PRKCE: variants seen among roughly 807,000 people sequenced by gnomAD.
PRKCE encodes the protein protein kinase C epsilon type.
Under a neutral mutation model 85.4 loss-of-function variants are expected in PRKCE, and 16 were observed. That is an observed-to-expected ratio of 0.19 (90% CI 0.13 to 0.28). The LOEUF is 0.28. PRKCE is among the 10% of genes least tolerant of loss of function. The probability of loss-of-function intolerance (pLI) is 1.00; values close to 1 mark genes in which losing one functional copy is unlikely to be tolerated. For missense variants in PRKCE, 573 were observed against 975.2 expected (o/e 0.59, Z 5.49); for synonymous variants, 388 against 371.5 (o/e 1.04, Z -0.51).
intron 14 of PRKCE, among the ~76,000 whole-genome samples, chr2:46,180,809 G>A (rs1430076375): frequency 1.3e-5 from 2 of 152,206 alleles, no homozygotes; most frequent in Non-Finnish European, 2.9e-5. Context: ...GGCTTAAAGA[G>A]GTTAACTTCA....
intron 1 of PRKCE, among the ~76,000 whole-genome samples, chr2:45,775,663 A>T (rs1044267330): frequency 6.6e-6 from 1 of 152,122 alleles, no homozygotes; most frequent in African/African-American, 2.4e-5. Flanking sequence ...CCTACCAGGG[A>T]ACTTGCAGTC....
chr2:45,878,297 G>A (rs891546335), intron 2 of PRKCE, among the ~76,000 whole-genome samples: 3 of 152,178 alleles, frequency 2.0e-5, no homozygotes, highest in Non-Finnish European at 4.4e-5. Context: ...CTCCTCTAGT[G>A]TTTGCATCTG....
At chr2:45,747,751 C>A (rs1358541299) in intron 1 of PRKCE, among the ~76,000 whole-genome samples, 1 of 152,194 alleles carries the variant, frequency 6.6e-6, no homozygotes, top group African/African-American at 2.4e-5. Context: ...TATAGTAATT[C>A]TATTTTTAAT....
At chr2:45,717,182 G>A (rs574140033) in intron 1 of PRKCE, among the ~76,000 whole-genome samples, 7 of 152,324 alleles carry the variant, frequency 4.6e-5, no homozygotes, top group African/African-American at 1.7e-4. Context: ...AGGCCCAGAT[G>A]AGGATGATAG....
chr2:45,801,685 G>A (rs972743701), intron 1 of PRKCE, among the ~76,000 whole-genome samples: 7 of 152,302 alleles, frequency 4.6e-5, no homozygotes, highest in South Asian at 2.1e-4. Flanking sequence ...GAGGAAGGCC[G>A]TTGGGCAGAG....
intron 1 of PRKCE, among the ~76,000 whole-genome samples, chr2:45,678,894 T>C (rs1676674642): frequency 6.6e-6 from 1 of 152,198 alleles, no homozygotes; most frequent in African/African-American, 2.4e-5. Context: ...CTACTATCAC[T>C]CAGGTTCATC....
At position 45,895,996 on chromosome 2, in the gene PRKCE, A is replaced by G. The variant is rs374329162; in HGVS notation, c.412+52933A>G. 2.0e-4 allele frequency among the ~76,000 whole-genome samples: 31 copies of G among 152,278 alleles called. No homozygotes were observed. The South Asian group carries it at 5.2e-3, about 25-fold the overall frequency. On this transcript the variant is annotated intron_variant, in intron 2 of 14. Transcript: ENST00000306156. The surrounding 1 kb of genome is among the most constrained non-coding windows in gnomAD (Gnocchi z 4.8). Reference sequence around the variant, plus strand: ...TCAGGTAGAGCGTGGGCACTGCACAATGGTTGTCCTGGATGCGCAGGAGTG... The same window carrying G: ...TCAGGTAGAGCGTGGGCACTGCACAGTGGTTGTCCTGGATGCGCAGGAGTG...
Position 45,980,327 on chromosome 2 carries a change from C to T in PRKCE, c.639C>T (p.His213=), listed in dbSNP as rs375146792. 42 of 1,599,520 alleles carry T rather than the reference C, an allele frequency of 2.6e-5. No individual in the cohort carries two copies. In the African/African-American group the frequency reaches 2.9e-4, roughly 11 times the overall value. Residue 213 remains histidine (H), a synonymous_variant, in exon 5 of 15, where the codon CAC becomes CAT. Transcript: ENST00000306156. ...VCTCVVHKRC[H]ELIITKCAGL... ...CCTGCGTGGTCCACAAGCGGTGCCA[C>T]GAGCTCATAATCACAAAGTGTGCTG... is the stretch of plus-strand genomic sequence containing the variant.
At chr2:45,831,335 G>A (rs182595933) in intron 1 of PRKCE, among the ~76,000 whole-genome samples, 2 of 152,246 alleles carry the variant, frequency 1.3e-5, no homozygotes, top group African/African-American at 2.4e-5. Flanking sequence ...ACTATGGTTA[G>A]AGAACAGAAT....
intron 1 of PRKCE, among the ~76,000 whole-genome samples, chr2:45,712,097 T>C (rs924048815): frequency 6.6e-6 from 1 of 150,900 alleles, no homozygotes; most frequent in African/African-American, 2.4e-5. Context: ...CCTCAGGTGT[T>C]CCTGTTGACA....
Position 46,035,551 on chromosome 2 carries a change from A to T in PRKCE, c.1437+25034A>T, listed in dbSNP as rs947349074. On this transcript the variant is annotated intron_variant, in intron 10 of 14. Transcript: ENST00000306156. ...CCCAGACTTAGGGAAGGAGTGTGTG[A>T]AATGAAAAACCATTAGAGGTCTCAG... 1.3e-5 allele frequency among the ~76,000 whole-genome samples: 2 copies of T among 152,198 alleles called. 1 individual carries two copies. Among genetic ancestry groups the T allele is most frequent in the African/African-American group, 4.8e-5 (2 of 41,458 alleles).
chr2:46,011,169 C>G (rs1255021586), intron 10 of PRKCE, among the ~76,000 whole-genome samples: 2 of 152,064 alleles, frequency 1.3e-5, no homozygotes, highest in African/African-American at 4.8e-5. Flanking sequence ...TTTTGTTATC[C>G]TTTTTGAGGG....
intron 10 of PRKCE, among the ~76,000 whole-genome samples, chr2:46,026,058 G>A (rs1309445110): frequency 6.6e-6 from 1 of 152,208 alleles, no homozygotes; most frequent in African/African-American, 2.4e-5. Flanking sequence ...ATCCCAGGAA[G>A]GAGGGATTCT....
At chr2:45,903,915 G>T (rs74668399) in intron 2 of PRKCE, among the ~76,000 whole-genome samples, 6,761 of 91,658 alleles carry the variant, frequency 0.074, 545 homozygotes, top group African/African-American at 0.12. Context: ...TTGTTTGTTT[G>T]TTTTTTTTGG....
At position 45,994,383 on chromosome 2, in the gene PRKCE, C is replaced by T. The variant is rs116434111; in HGVS notation, c.824-7021C>T. ...CAAATGTATAATGACATGAATCTAC[C>T]ATTATAGTATCTTACAGAATAGTTT... is the stretch of plus-strand genomic sequence containing the variant. On this transcript the variant is annotated intron_variant, in intron 6 of 14. Coordinates refer to ENST00000306156, the MANE Select transcript of PRKCE (RefSeq NM_005400.3). 9.3e-3 allele frequency among the ~76,000 whole-genome samples: 1,414 copies of T among 152,194 alleles called. 11 individuals are homozygous for T. The highest frequency in any genetic ancestry group is 0.015 in the Non-Finnish European group (991 of 68,006).
At chr2:45,726,542 C>T (rs991496316) in intron 1 of PRKCE, among the ~76,000 whole-genome samples, 1 of 152,140 alleles carries the variant, frequency 6.6e-6, no homozygotes, top group Non-Finnish European at 1.5e-5. Flanking sequence ...AAAGTATGTA[C>T]ATTTTTAGAC....
At position 46,138,177 on chromosome 2, in the gene PRKCE, T is replaced by C. The variant is rs76454115; in HGVS notation, c.1593-6916T>C. Among the ~76,000 whole-genome samples, 163 of 152,342 alleles carry C rather than the reference T, an allele frequency of 1.1e-3. No individual in the cohort carries two copies. Among genetic ancestry groups the C allele is most frequent in the African/African-American group, 3.9e-3 (162 of 41,572 alleles). Reference sequence around the variant, plus strand: ...CACTCCTACCGCAGGAGAGCCTTCATTGTGCCATCCTGCCTTGAAGTGGGT... The same window carrying C: ...CACTCCTACCGCAGGAGAGCCTTCACTGTGCCATCCTGCCTTGAAGTGGGT... On this transcript the variant is annotated intron_variant, in intron 11 of 14. Transcript: ENST00000306156. The surrounding 1 kb of genome is among the most constrained non-coding windows in gnomAD (Gnocchi z 4.2).
At chr2:45,870,666 A>G (rs1573686702) in intron 2 of PRKCE, among the ~76,000 whole-genome samples, 3 of 152,270 alleles carry the variant, frequency 2.0e-5, no homozygotes, top group Admixed American at 2.0e-4. Context: ...CTCGTGGTCA[A>G]GGGTGTAGTT....
At chr2:45,977,675 G>T (rs1248945607) in intron 3 of PRKCE, among the ~76,000 whole-genome samples, 1 of 151,808 alleles carries the variant, frequency 6.6e-6, no homozygotes, top group African/African-American at 2.4e-5. Context: ...GAGAGGGGCT[G>T]AGATAAAGAT....
Sources: allele counts gnomAD v4.1 joint callset (sites outside exome capture counted in the v4.1 genomes callset), GRCh38; gene constraint gnomAD v4.1.1; non-coding constraint Gnocchi (gnomAD v3.1); transcripts MANE v1.5; gene names NCBI Gene and HGNC (gene_info 2026-07-23, HGNC 2026-07-21).